PGAP6: variants seen among roughly 807,000 people sequenced by gnomAD.
PGAP6 encodes post-GPI attachment to proteins 6, also known as post-GPI attachment to proteins factor 6.
PGAP6 carries 62 observed loss-of-function variants against 68.4 expected under a neutral mutation model. That is an observed-to-expected ratio of 0.91 (90% confidence interval 0.74 to 1.12). The LOEUF (loss-of-function observed/expected upper bound fraction) is 1.12, where lower values mean the gene tolerates loss of function less well. PGAP6 is among the 50% of genes most tolerant of loss of function. The pLI, the probability that PGAP6 is intolerant of heterozygous loss-of-function variation, is 0.00. For synonymous variants in PGAP6, 575 were observed against 474.0 expected, an observed-to-expected ratio of 1.21 and a Z score of -2.77; for missense variants, 1,188 against 1,068.5, an observed-to-expected ratio of 1.11 and a Z score of -1.56.
intron 1 of PGAP6, among the ~76,000 whole-genome samples, chr16:379,618 T>C (rs926223179): frequency 4.6e-5 from 7 of 152,210 alleles, no homozygotes; most frequent in Non-Finnish European, 8.8e-5. Context: ...GCCCCTGGGC[T>C]GCTGGGGCAA....
chr16:385,412 C>A (rs1194186146), upstream of PGAP6, among the ~76,000 whole-genome samples: 1 of 144,496 alleles, frequency 6.9e-6, no homozygotes, highest in African/African-American at 2.6e-5. Flanking sequence ...CCCGGGTTCA[C>A]GCCATTCTCC....
upstream of PGAP6, among the ~76,000 whole-genome samples, chr16:384,773 G>A (rs960044917): frequency 1.3e-5 from 2 of 150,270 alleles, no homozygotes; most frequent in Admixed American, 6.6e-5. Flanking sequence ...GGAGAATGGC[G>A]TGAACCCAGG....
chr16:382,687 G>T (rs754259363), upstream of PGAP6, among the ~76,000 whole-genome samples: 3 of 151,526 alleles, frequency 2.0e-5, no homozygotes, highest in Non-Finnish European at 4.4e-5. Flanking sequence ...TCCGTCTTAG[G>T]GCCAAGTCGG....
chr16:377,236 G>T (rs755176474), intron 3 of PGAP6, 72 bp from the exon 4 acceptor site: 1 of 1,604,484 alleles, frequency 6.2e-7, no homozygotes. Flanking sequence ...CTCACCAGAC[G>T]CCCCCGGCAT....
intron 1 of PGAP6, among the ~76,000 whole-genome samples, chr16:379,119 G>A (rs946576760): frequency 6.6e-6 from 1 of 152,210 alleles, no homozygotes. Flanking sequence ...AAAGGCTTCA[G>A]AAGGAAAAGC....
At chr16:380,443 C>T (rs1244632783) in intron 1 of PGAP6, among the ~76,000 whole-genome samples, 3 of 151,908 alleles carry the variant, frequency 2.0e-5, no homozygotes, top group Admixed American at 1.3e-4. Flanking sequence ...TTCGGCTCAC[C>T]GCAACCTCTG....
rs777662862 is a variant in PGAP6 at position 372,675 on chromosome 16, C to T, written c.1955G>A (p.Arg652His). 20 of 1,612,268 alleles carry T rather than the reference C, an allele frequency of 1.2e-5. No individual in the cohort carries two copies. Among genetic ancestry groups the T allele is most frequent in the Middle Eastern group, 1.6e-4 (1 of 6,078 alleles). ...CCCCAGCATGTTCCACATGCCCCTG[C>T]GGTCCAGCTGCAAGGACATGGCGAT... ...LVIAMSLQLD[R>H]RGMWNMLGPC... The change falls in exon 12 of 13, where the codon CGC becomes CAC. Residue 652 changes from arginine (R) to histidine (H), a missense_variant. Transcript: ENST00000431232.
Position 374,878 on chromosome 16 carries a change from G to A in PGAP6, c.1454C>T (p.Ala485Val), listed in dbSNP as rs1301605242. The change falls in exon 9 of 13, where the codon GCT becomes GTT. Residue 485 changes from alanine to valine, a missense_variant. By Grantham distance (64) the Ala-to-Val change is moderately conservative. Transcript: ENST00000431232. ...CPENAEDCEQAVVHVETTLYL... is the reference protein window; with the variant it reads ...CPENAEDCEQVVVHVETTLYL... Reference sequence around the variant, plus strand: ...CAAGGTGGTCTCCACGTGGACCACAGCCTGCTCACAGTCCCTTTGAGGAAG... The same window carrying A: ...CAAGGTGGTCTCCACGTGGACCACAACCTGCTCACAGTCCCTTTGAGGAAG... 2 of 1,612,904 alleles carry A rather than the reference G, an allele frequency of 1.2e-6. No homozygotes were observed. The highest frequency in any genetic ancestry group is 2.2e-5 in the East Asian group (1 of 44,888).
chr16:374,312 T>C lies in PGAP6; in HGVS notation c.1664A>G (p.Asn555Ser), dbSNP rs1181955410. Residue 555 changes from asparagine to serine, a missense_variant, in exon 10 of 13, where the codon AAC (asparagine) becomes AGC (serine). Coordinates refer to ENST00000431232, the MANE Select transcript of PGAP6 (RefSeq NM_021259.3). The part of the protein sequence containing the change: ...RAATLLLTLS[N>S]LMFLAPIAVS... Reference sequence around the variant, plus strand: ...GGCGATGGGGGCCAGGAACATGAGGTTGCTGAGCGTGAGCAGCAGTGTGGC... The same window carrying C: ...GGCGATGGGGGCCAGGAACATGAGGCTGCTGAGCGTGAGCAGCAGTGTGGC... 1 of 1,605,692 alleles carries C rather than the reference T, an allele frequency of 6.2e-7. No individual in the cohort carries two copies. The highest frequency in any genetic ancestry group is 8.5e-7 in the Non-Finnish European group (1 of 1,179,726).
intron 1 of PGAP6, among the ~76,000 whole-genome samples, chr16:378,086 C>T (rs577420328): frequency 1.2e-3 from 176 of 152,170 alleles, no homozygotes; most frequent in African/African-American, 4.1e-3. Context: ...GGTCTTTTCA[C>T]AGCTGCCGCC....
Position 381,921 on chromosome 16 carries a change from GCCTCTGCCCCC to G in PGAP6, c.-111_-101del. The G allele has an allele frequency of 1.0e-6, 1 of 972,008 alleles. No homozygotes were observed. The highest frequency in any genetic ancestry group is 1.2e-6 in the Non-Finnish European group (1 of 820,314). The allele number at this position is 972,008 out of a possible 1,614,324, so 60.2% of individuals were successfully genotyped here. On this transcript the variant is annotated 5_prime_UTR_variant, in exon 1 of 13. An upstream open reading frame in the 5' UTR loses its in-frame stop. Coordinates refer to ENST00000431232, the MANE Select transcript of PGAP6 (RefSeq NM_021259.3). Reference sequence around the variant, plus strand: ...TGCCGCCTCCGCCTCTGCCGCCTCCGCCTCTGCCCCCGGCGCCCATGGCCCGGCCGGTCCCC... The same window carrying G: ...TGCCGCCTCCGCCTCTGCCGCCTCCGGGCGCCCATGGCCCGGCCGGTCCCC...
chr16:381,883 C>G lies in PGAP6; in HGVS notation c.-62G>C. On this transcript the variant is annotated 5_prime_UTR_variant, in exon 1 of 13. Coordinates refer to ENST00000431232, the MANE Select transcript of PGAP6 (RefSeq NM_021259.3). ...CCCGCGCCGCCGGCCCCCGCCGCCGCCCGGGCAGCCTCTGCCGCCTCCGCC... is the reference window on the plus strand; with the variant it reads ...CCCGCGCCGCCGGCCCCCGCCGCCGGCCGGGCAGCCTCTGCCGCCTCCGCC... 1 of 975,518 alleles carries G rather than the reference C, an allele frequency of 1.0e-6. No individual in the cohort carries two copies. The highest frequency in any genetic ancestry group is 1.2e-6 in the Non-Finnish European group (1 of 823,040). 60.4% of individuals were successfully genotyped at this position (975,518 alleles called of 1,614,324 possible). A position where few individuals can be genotyped will look rare whatever the true frequency, so the allele number is the denominator to read the frequency against.
chr16:386,727 A>AAAC (rs1567329295), upstream of PGAP6: 12 of 40,340 alleles, frequency 3.0e-4, no homozygotes, highest in South Asian at 2.0e-3. Context: ...AAAAAAAACC[A>AAAC]AAAAAAAAAA....
Position 375,230 on chromosome 16 carries a change from G to C in PGAP6, c.1342C>G (p.Leu448Val), listed in dbSNP as rs565906989. ...TTGGCCCTGCGAGACCAGGCGCTCAGAGACAAAGGGTAGCCCTGGAAGAAG... is the reference window on the plus strand; with the variant it reads ...TTGGCCCTGCGAGACCAGGCGCTCACAGACAAAGGGTAGCCCTGGAAGAAG... ...TAFFQGYPLS[L>V]SAWSRRANLI... The change falls in exon 8 of 13, where the codon CTG becomes GTG. Residue 448 changes from leucine (L) to valine (V), a missense_variant. Transcript: ENST00000431232. 1 of 1,613,268 alleles carries C rather than the reference G, an allele frequency of 6.2e-7. No individual in the cohort carries two copies. The highest frequency in any genetic ancestry group is 2.2e-5 in the East Asian group (1 of 44,878).
chr16:381,015 G>A (rs1193037883), intron 1 of PGAP6, among the ~76,000 whole-genome samples: 1 of 152,232 alleles, frequency 6.6e-6, no homozygotes, highest in Non-Finnish European at 1.5e-5. Flanking sequence ...CCTACCCCGT[G>A]GAAGGGCTAC....
chr16:377,315 C>A, intron 3 of PGAP6, 63 bp downstream of exon 3: 5 of 1,549,490 alleles, frequency 3.2e-6, no homozygotes, highest in Non-Finnish European at 4.4e-6. Flanking sequence ...AAGAGGTGAA[C>A]GGCAGGGACA....
chr16:372,388 A>G (rs2054342913), intron 12 of PGAP6, 105 bp from the exon 13 acceptor site: 1 of 1,292,752 alleles, frequency 7.7e-7, no homozygotes, highest in Admixed American at 2.1e-5. Flanking sequence ...TCTGGGCAGC[A>G]GAACGACAAG....
chr16:379,056 G>C (rs1239236488), intron 1 of PGAP6, among the ~76,000 whole-genome samples: 1 of 152,210 alleles, frequency 6.6e-6, no homozygotes, highest in Non-Finnish European at 1.5e-5. Context: ...GGGTAGGTCA[G>C]GGCGGAGGGC....
At chr16:373,554 G>GAT (rs2054352626) in intron 11 of PGAP6, among the ~76,000 whole-genome samples, 3 of 152,134 alleles carry the variant, frequency 2.0e-5, no homozygotes, top group African/African-American at 7.2e-5. Flanking sequence ...GAAGACATGA[G>GAT]GTTTCTTTTC....
Sources: allele counts gnomAD v4.1 joint callset (sites outside exome capture counted in the v4.1 genomes callset), GRCh38; gene constraint gnomAD v4.1.1; transcripts MANE v1.5; gene names NCBI Gene and HGNC (gene_info 2026-07-23, HGNC 2026-07-21).